Variants in RAB6A observed in about 807,000 individuals in gnomAD.
RAB6A encodes the protein RAB6A, member RAS oncogene family.
Under a neutral mutation model 32.3 loss-of-function variants are expected in RAB6A, and 8 were observed. The observed-to-expected ratio is 0.25, with a 90% CI of 0.15 to 0.45. The LOEUF (loss-of-function observed/expected upper bound fraction) is 0.45, where lower values mean the gene tolerates loss of function less well. RAB6A is among the 20% of genes least tolerant of loss of function. The pLI, the probability that RAB6A is intolerant of heterozygous loss-of-function variation, is 1.00. For synonymous variants in RAB6A, 73 were observed against 82.1 expected (o/e 0.89, Z 0.60); for missense variants, 104 against 249.4 (o/e 0.42, Z 3.93).
intron 1 of RAB6A, among the ~76,000 whole-genome samples, chr11:73,755,143 TTGGTCTCAAACTTC>T (rs1333341190): frequency 2.0e-5 from 3 of 151,814 alleles, no homozygotes; most frequent in Admixed American, 2.0e-4. Flanking sequence ...ATTGGCCAGG[TTGGTCTCAAACTTC>T]TGGCCTCAAG....
chr11:73,690,624 G>T (rs1201955288), intron 6 of RAB6A, among the ~76,000 whole-genome samples: 8 of 141,682 alleles, frequency 5.6e-5, no homozygotes, highest in African/African-American at 2.1e-4. Context: ...CCTGGAAAAA[G>T]AAGTTACAGA....
chr11:73,760,064 A>C (rs1268908943), intron 1 of RAB6A: 1 of 1,289,662 alleles, frequency 7.8e-7, no homozygotes, highest in Non-Finnish European at 1.0e-6. Context: ...CGACATCAGC[A>C]CTTCGCAGGG....
chr11:73,705,193 A>G (rs1945818532), intron 6 of RAB6A, among the ~76,000 whole-genome samples: 1 of 152,066 alleles, frequency 6.6e-6, no homozygotes, highest in Non-Finnish European at 1.5e-5. Context: ...TAACCAGGAA[A>G]AGGACAGCCT....
intron 2 of RAB6A, among the ~76,000 whole-genome samples, chr11:73,728,963 T>C (rs1338176674): frequency 6.6e-6 from 1 of 152,162 alleles, no homozygotes; most frequent in Non-Finnish European, 1.5e-5. Context: ...TCTCTACTTA[T>C]TAGATATATA....
intron 1 of RAB6A, among the ~76,000 whole-genome samples, chr11:73,731,713 T>TATA (rs1946310969): frequency 5.4e-5 from 1 of 18,380 alleles, no homozygotes. Context: ...TATATATATA[T>TATA]ATATATATAT....
intron 6 of RAB6A, chr11:73,704,028 C>CAA (rs984964478): frequency 2.6e-4 from 26 of 100,982 alleles, no homozygotes; most frequent in South Asian, 1.2e-3. Flanking sequence ...GACTCCATCT[C>CAA]AAAAAAAAAA....
At chr11:73,727,026 C>CAGGTTAT (rs1266144525) in intron 2 of RAB6A, among the ~76,000 whole-genome samples, 2 of 152,090 alleles carry the variant, frequency 1.3e-5, no homozygotes, top group Non-Finnish European at 2.9e-5. Flanking sequence ...AAAATGCTGA[C>CAGGTTAT]AGGTTATAAT....
intron 1 of RAB6A, among the ~76,000 whole-genome samples, chr11:73,731,726 A>ATTTTCTT (rs1946313996): frequency 1.1e-4 from 1 of 9,128 alleles, no homozygotes; most frequent in African/African-American, 3.0e-4. Flanking sequence ...ATATATATAT[A>ATTTTCTT]TATATACACA....
chr11:73,689,696 C>T (rs1397862692), intron 6 of RAB6A, among the ~76,000 whole-genome samples: 1 of 152,134 alleles, frequency 6.6e-6, no homozygotes, highest in Admixed American at 6.5e-5. Context: ...GGTTGTCCTA[C>T]CTTTCCAGAC....
Position 73,716,281 on chromosome 11 carries a change from A to G in RAB6A, c.371T>C (p.Val124Ala). Residue 124 changes from valine to alanine, a missense_variant, in exon 5 of 8, where the codon GTA becomes GCA. Transcript: ENST00000336083. ...GTCAGCAAGATCTGTTTTATTTCCT[A>G]CTAGCATGATGATAACATCACTTCC... ...ERGSDVIIMLVGNKTDLADKR... is the reference protein window; with the variant it reads ...ERGSDVIIMLAGNKTDLADKR... 1.2e-6 allele frequency: 2 copies of G among 1,612,714 alleles called. No homozygotes were observed. Among genetic ancestry groups the G allele is most frequent in the Non-Finnish European group, 1.7e-6 (2 of 1,178,764 alleles).
intron 6 of RAB6A, chr11:73,704,028 CAAA>C (rs984964478): frequency 1.9e-4 from 19 of 100,970 alleles, no homozygotes; most frequent in South Asian, 4.9e-4. Flanking sequence ...GACTCCATCT[CAAA>C]AAAAAAAAAA....
intron 6 of RAB6A, among the ~76,000 whole-genome samples, chr11:73,704,926 G>A (rs901940327): frequency 6.6e-6 from 1 of 151,904 alleles, no homozygotes; most frequent in Admixed American, 6.6e-5. Context: ...AACCTGGGAG[G>A]CGGAGCTTGC....
chr11:73,721,070 C>T (rs1249102985), intron 2 of RAB6A, among the ~76,000 whole-genome samples, 171 bp from the exon 3 acceptor site: 1 of 152,220 alleles, frequency 6.6e-6, no homozygotes, highest in Non-Finnish European at 1.5e-5. Flanking sequence ...TAATGATTTT[C>T]ATGTATTCAG....
intron 2 of RAB6A, chr11:73,729,714 A>T (rs531372636): frequency 6.6e-6 from 1 of 152,362 alleles, no homozygotes; most frequent in East Asian, 1.9e-4. Flanking sequence ...CATTAGAGAT[A>T]GTAAACTCAC....
chr11:73,709,963 T>TATATATATA (rs200611952), intron 5 of RAB6A, among the ~76,000 whole-genome samples: 1 of 49,734 alleles, frequency 2.0e-5, no homozygotes, highest in African/African-American at 8.3e-5. Flanking sequence ...ATATATATAT[T>TATATATATA]TTTTTTTTTT....
chr11:73,686,342 G>C lies in RAB6A; in HGVS notation c.496-6622C>G, dbSNP rs533750645. On this transcript the variant is annotated intron_variant, in intron 6 of 7. Transcript: ENST00000336083. ...AGGCAAAGGTGGGGGGATCATTTGA[G>C]GTCAGGAGTTCGACCAGCTTGGCCA... 5.5e-4 allele frequency among the ~76,000 whole-genome samples: 83 copies of C among 152,244 alleles called. No homozygotes were observed. The South Asian group carries it at 0.016, about 30-fold the overall frequency.
chr11:73,705,799 A>AGAGAGAGAGAGAGC (rs1217481069), intron 6 of RAB6A, among the ~76,000 whole-genome samples: 1 of 150,348 alleles, frequency 6.7e-6, no homozygotes, highest in Non-Finnish European at 1.5e-5. Context: ...AGAGAGAGAG[A>AGAGAGAGAGAGAGC]GAGATTTTCA....
Position 73,760,678 on chromosome 11 carries a change from C to T in RAB6A, c.-43G>A, listed in dbSNP as rs771931460. The stretch of plus-strand genomic sequence containing the variant: ...GGCCGCCGCCTCAGCCTAGAGACCT[C>T]CCGGACCGATGCTGCTCCAGCCAGC... On this transcript the variant is annotated 5_prime_UTR_variant, in exon 1 of 8. Coordinates refer to ENST00000336083, the MANE Select transcript of RAB6A (RefSeq NM_198896.2). 4.4e-6 allele frequency: 7 copies of T among 1,585,942 alleles called. No homozygotes were observed. Among genetic ancestry groups the T allele is most frequent in the Non-Finnish European group, 5.1e-6 (6 of 1,166,690 alleles).
intron 4 of RAB6A, among the ~76,000 whole-genome samples, chr11:73,716,685 G>A (rs1171529804): frequency 6.6e-6 from 1 of 152,060 alleles, no homozygotes; most frequent in Admixed American, 6.6e-5. Context: ...AGATAATATG[G>A]TGTCACATTG....
Sources: allele counts gnomAD v4.1 joint callset (sites outside exome capture counted in the v4.1 genomes callset), GRCh38; gene constraint gnomAD v4.1.1; transcripts MANE v1.5; gene names NCBI Gene and HGNC (gene_info 2026-07-23, HGNC 2026-07-21).